NPAS3: variants seen among roughly 807,000 people sequenced by gnomAD.
The protein encoded by NPAS3 is neuronal PAS domain-containing protein 3.
Under a neutral mutation model 73.1 loss-of-function variants are expected in NPAS3, and 14 were observed. That is an observed-to-expected ratio of 0.19 (90% CI 0.13 to 0.30). The LOEUF is 0.30. NPAS3 is among the 10% of genes least tolerant of loss of function. The pLI, the probability that NPAS3 is intolerant of heterozygous loss-of-function variation, is 1.00. For missense variants in NPAS3, 1,096 were observed against 1,250.0 expected (o/e 0.88, Z 1.86); for synonymous variants, 620 against 541.5 (o/e 1.14, Z -2.01).
intron 4 of NPAS3, among the ~76,000 whole-genome samples, chr14:33,406,199 T>C (rs1288082306): frequency 1.3e-5 from 2 of 152,152 alleles, no homozygotes; most frequent in East Asian, 3.9e-4. Flanking sequence ...TCTAAGTTTA[T>C]GGTTAACTTG....
chr14:33,500,411 A>G (rs2052454532), intron 4 of NPAS3, among the ~76,000 whole-genome samples: 1 of 151,826 alleles, frequency 6.6e-6, no homozygotes, highest in Non-Finnish European at 1.5e-5. Context: ...CCTTAGCCTG[A>G]TTTCCCAAGT....
chr14:33,403,478 C>T (rs901442104), intron 4 of NPAS3, among the ~76,000 whole-genome samples: 8 of 152,060 alleles, frequency 5.3e-5, no homozygotes, highest in Non-Finnish European at 8.8e-5. Flanking sequence ...ACACCTGCTT[C>T]TATTATTCCT....
At chr14:33,755,982 C>G (rs536063281) in intron 7 of NPAS3, among the ~76,000 whole-genome samples, 3 of 152,214 alleles carry the variant, frequency 2.0e-5, no homozygotes, top group Admixed American at 6.5e-5. Context: ...TGAGGGAGAC[C>G]ATTCATCTAT....
Position 33,800,865 on chromosome 14 carries a change from T to C in NPAS3, c.2558T>C (p.Phe853Ser). The change falls in exon 12 of 12, where the codon TTC becomes TCC. Residue 853 changes from phenylalanine to serine, a missense_variant. Phe to Ser is a radical substitution (Grantham distance 155). Transcript: ENST00000356141. This position sits in a 1 kb window ranked among gnomAD's most constrained non-coding sequence, Gnocchi z 6.5. ...CTGCCCAACGCGCACGCTGTTAACTTCGTGGACGTTAACAGCCCCGGCTTT... is the reference window on the plus strand; with the variant it reads ...CTGCCCAACGCGCACGCTGTTAACTCCGTGGACGTTAACAGCCCCGGCTTT... 1.2e-6 allele frequency: 2 copies of C among 1,606,458 alleles called. No homozygotes were observed.
At chr14:33,302,233 T>C (rs1356712379) in intron 3 of NPAS3, among the ~76,000 whole-genome samples, 1 of 152,224 alleles carries the variant, frequency 6.6e-6, no homozygotes, top group Non-Finnish European at 1.5e-5. Context: ...TTCTTTCTAC[T>C]ACTAACAGTG....
At chr14:33,253,808 G>T (rs1431183455) in intron 3 of NPAS3, among the ~76,000 whole-genome samples, 2 of 151,898 alleles carry the variant, frequency 1.3e-5, no homozygotes, top group East Asian at 3.9e-4. Flanking sequence ...CCCTACTTTA[G>T]ATTTCTCTCT....
intron 5 of NPAS3, among the ~76,000 whole-genome samples, chr14:33,562,723 T>C (rs980988407): frequency 5.9e-5 from 9 of 152,178 alleles, no homozygotes; most frequent in African/African-American, 2.2e-4. Flanking sequence ...AAAAAATCTA[T>C]GCTAAAACTC....
exon 9 of NPAS3, chr14:33,778,519 A>G (rs1307062981): frequency 6.2e-7 from 1 of 1,613,918 alleles, no homozygotes; most frequent in Admixed American, 1.7e-5. Flanking sequence ...AAGAGATGCT[A>G]CCACTTCATC....
chr14:33,637,050 A>T, intron 5 of NPAS3, among the ~76,000 whole-genome samples: 1 of 152,180 alleles, frequency 6.6e-6, no homozygotes. Flanking sequence ...CATGGTAAAA[A>T]ATAATCTTTT....
chr14:32,970,349 G>C (rs2037367218), intron 1 of NPAS3, among the ~76,000 whole-genome samples: 1 of 152,076 alleles, frequency 6.6e-6, no homozygotes, highest in South Asian at 2.1e-4. Context: ...TTCCAACTCA[G>C]AGACCTAACA....
chr14:32,950,062 C>G lies in NPAS3; in HGVS notation c.50+10696C>G, dbSNP rs148826433. 3.7e-4 allele frequency among the ~76,000 whole-genome samples: 57 copies of G among 152,140 alleles called. 1 individual carries two copies. Among genetic ancestry groups the G allele is most frequent in the African/African-American group, 1.3e-3 (54 of 41,548 alleles). ...AAATCATGAGATTAAATACATTTAACTATTTCTTCCATATGAACTTAACAT... is the reference window on the plus strand; with the variant it reads ...AAATCATGAGATTAAATACATTTAAGTATTTCTTCCATATGAACTTAACAT... On this transcript the variant is annotated intron_variant, in intron 1 of 11. Transcript: ENST00000356141.
chr14:32,953,399 A>G (rs1186056756), intron 1 of NPAS3, among the ~76,000 whole-genome samples: 1 of 152,154 alleles, frequency 6.6e-6, no homozygotes, highest in Non-Finnish European at 1.5e-5. Flanking sequence ...CATCTATTTC[A>G]TACGAGGTCA....
chr14:33,657,620 A>G (rs2059182160), intron 5 of NPAS3, among the ~76,000 whole-genome samples: 1 of 152,194 alleles, frequency 6.6e-6, no homozygotes, highest in African/African-American at 2.4e-5. Context: ...AAAGAGGGGA[A>G]GAGGAAGCGG....
intron 7 of NPAS3, among the ~76,000 whole-genome samples, chr14:33,773,512 A>G (rs2062718972): frequency 6.6e-6 from 1 of 152,178 alleles, no homozygotes; most frequent in African/African-American, 2.4e-5. Context: ...CCAGAGCATC[A>G]TTTGAGGAAG....
intron 2 of NPAS3, among the ~76,000 whole-genome samples, chr14:33,156,278 A>T (rs2044644705): frequency 6.6e-6 from 1 of 152,208 alleles, no homozygotes. Flanking sequence ...GCATCACTGC[A>T]GATTGATCTA....
intron 7 of NPAS3, among the ~76,000 whole-genome samples, chr14:33,750,735 G>A (rs1344298947): frequency 3.3e-5 from 5 of 152,132 alleles, no homozygotes; most frequent in Admixed American, 2.0e-4. Context: ...CACTGTACTG[G>A]GTACTGGGAA....
chr14:33,678,365 T>G (rs28612422), intron 6 of NPAS3, among the ~76,000 whole-genome samples: 43,855 of 147,936 alleles, frequency 0.3, 6,409 homozygotes, highest in South Asian at 0.44. Flanking sequence ...TTCTTCCCTA[T>G]CCTAGCTTCT....
At chr14:33,322,519 T>C (rs1257573686) in intron 3 of NPAS3, among the ~76,000 whole-genome samples, 1 of 149,250 alleles carries the variant, frequency 6.7e-6, no homozygotes, top group African/African-American at 2.5e-5. Context: ...TGTGTGTGTA[T>C]GTGTGTGTGT....
intron 4 of NPAS3, among the ~76,000 whole-genome samples, chr14:33,422,534 A>C (rs2048397125): frequency 2.0e-5 from 3 of 151,938 alleles, no homozygotes; most frequent in Non-Finnish European, 2.9e-5. Flanking sequence ...AAAATGTCAG[A>C]TATACTAGAA....
Sources: gnomAD v4.1 joint callset for allele counts (sites outside exome capture counted in the v4.1 genomes callset) on GRCh38, gnomAD v4.1.1 for gene constraint, Gnocchi (gnomAD v3.1) non-coding constraint, MANE v1.5 for transcripts, NCBI Gene and HGNC (gene_info 2026-07-23, HGNC 2026-07-21) for gene names.